The following MRPS6 variants were observed in gnomAD, a reference collection of about 807,000 sequenced individuals.
The protein encoded by MRPS6 is small ribosomal subunit protein bS6m.
MRPS6 carries 6 observed loss-of-function variants against 13.1 expected under a neutral mutation model. The ratio of observed to expected loss-of-function variants is 0.46; its 90% CI spans 0.25 to 0.91. MRPS6 has a LOEUF of 0.91. MRPS6 is among the 40% of genes least tolerant of loss of function. The probability of loss-of-function intolerance (pLI) is 0.18; values close to 1 mark genes in which losing one functional copy is unlikely to be tolerated. For synonymous variants in MRPS6, 61 were observed against 56.5 expected (o/e 1.08, Z -0.36); for missense variants, 164 against 155.6 (o/e 1.05, Z -0.29).
At chr21:34,109,233 T>C (rs2148664187) in intron 1 of MRPS6, among the ~76,000 whole-genome samples, 1 of 152,330 alleles carries the variant, frequency 6.6e-6, no homozygotes, top group East Asian at 1.9e-4. Flanking sequence ...GATAGTTTTT[T>C]TTCTGTGTTA....
intron 2 of MRPS6, among the ~76,000 whole-genome samples, chr21:34,132,249 C>T (rs1220786925): frequency 6.6e-6 from 1 of 152,162 alleles, no homozygotes; most frequent in African/African-American, 2.4e-5. Flanking sequence ...GTCTGCCTGT[C>T]TCGGAGTCAC....
chr21:34,074,580 C>A (rs183043673), intron 1 of MRPS6, among the ~76,000 whole-genome samples: 10 of 152,360 alleles, frequency 6.6e-5, no homozygotes, highest in Admixed American at 2.0e-4. Context: ...CAGCTCACTT[C>A]GTCCTCTGTC....
intron 1 of MRPS6, chr21:34,105,825 A>G (rs1979452330): frequency 1.0e-6 from 1 of 995,882 alleles, no homozygotes; most frequent in Non-Finnish European, 1.2e-6. Context: ...AGAATTTGGT[A>G]TAAAGCAGGT....
chr21:34,140,916 A>G (rs975790855), intron 2 of MRPS6, among the ~76,000 whole-genome samples: 9 of 152,036 alleles, frequency 5.9e-5, no homozygotes, highest in African/African-American at 2.2e-4. Context: ...CTGTCCTTTT[A>G]TTTAATTATA....
intron 1 of MRPS6, among the ~76,000 whole-genome samples, chr21:34,078,834 C>CT (rs1989393777): frequency 6.6e-6 from 1 of 152,156 alleles, no homozygotes; most frequent in Non-Finnish European, 1.5e-5. Flanking sequence ...GATTATCAGA[C>CT]TTTTCCTATT....
At chr21:34,098,319 T>G (rs1036991006) in intron 1 of MRPS6, 1 of 1,000,048 alleles carries the variant, frequency 1.0e-6, no homozygotes, top group East Asian at 1.1e-4. Context: ...TTGGAAGATA[T>G]GTCCAGAAAC....
chr21:34,074,125 G>A (rs1166168573), intron 1 of MRPS6, among the ~76,000 whole-genome samples: 1 of 148,568 alleles, frequency 6.7e-6, no homozygotes, highest in Non-Finnish European at 1.5e-5. Context: ...ACTCCGGCCC[G>A]TCCCCGCCAG....
At chr21:34,075,025 C>T (rs1989292977) in intron 1 of MRPS6, among the ~76,000 whole-genome samples, 3 of 152,338 alleles carry the variant, frequency 2.0e-5, no homozygotes, top group African/African-American at 4.8e-5. Flanking sequence ...TCTGTTCAGC[C>T]TCTTGAATAT....
At chr21:34,101,821 T>C (rs1979250033) in intron 1 of MRPS6, 1 of 998,984 alleles carries the variant, frequency 1.0e-6, no homozygotes, top group Admixed American at 6.2e-5. Context: ...ACACTTTGTG[T>C]TGGCTAATAA....
chr21:34,111,908 G>C (rs952349313), intron 1 of MRPS6, among the ~76,000 whole-genome samples: 3 of 151,292 alleles, frequency 2.0e-5, no homozygotes, highest in Non-Finnish European at 1.5e-5. Flanking sequence ...CATCCATTTG[G>C]TTTTGTATTT....
At chr21:34,139,335 A>G (rs181065850) in intron 2 of MRPS6, among the ~76,000 whole-genome samples, 32 of 151,458 alleles carry the variant, frequency 2.1e-4, no homozygotes, top group African/African-American at 6.6e-4. Flanking sequence ...TTAAAGTATA[A>G]TAAAAAAAAA....
chr21:34,103,866 A>C (rs1418678736), intron 1 of MRPS6: 1 of 1,000,050 alleles, frequency 1.0e-6, no homozygotes, highest in African/African-American at 1.7e-5. Context: ...ATGGGGTTTG[A>C]GGGCTTTTTA....
chr21:34,120,115 G>T (rs1217382066), intron 1 of MRPS6, among the ~76,000 whole-genome samples: 1 of 152,170 alleles, frequency 6.6e-6, no homozygotes, highest in Non-Finnish European at 1.5e-5. Context: ...CTAGCAGTAC[G>T]TGTATTCTTC....
chr21:34,136,799 T>G (rs1294132392), intron 2 of MRPS6, among the ~76,000 whole-genome samples: 3 of 152,196 alleles, frequency 2.0e-5, no homozygotes, highest in Non-Finnish European at 4.4e-5. Flanking sequence ...CTATTATGGA[T>G]TTTGGTTTTG....
rs15044 is a variant in MRPS6, at chr21:34,142,856, T to G, written c.*256T>G. The stretch of plus-strand genomic sequence containing the variant: ...TTTCATTAGTGTCATTTCTTTGTCA[T>G]TGAGGACTTTTCCCCTTACAACAGT... On this transcript the variant is annotated 3_prime_UTR_variant, in exon 3 of 3. Coordinates refer to ENST00000399312, the MANE Select transcript of MRPS6 (RefSeq NM_032476.4). The G allele has an allele frequency of 0.021, 6,748 of 322,430 alleles. 276 individuals carry two copies. The highest frequency in any genetic ancestry group is 0.096 in the African/African-American group (4,491 of 46,822). The allele number at this position is 322,430 out of a possible 1,614,324, so 20.0% of individuals were successfully genotyped here. A position where few individuals can be genotyped will look rare whatever the true frequency, so the allele number is the denominator to read the frequency against.
intron 1 of MRPS6, chr21:34,100,706 G>A (rs892952656): frequency 1.0e-6 from 1 of 1,000,098 alleles, no homozygotes; most frequent in African/African-American, 1.7e-5. Context: ...TTGAGGCTAA[G>A]CAAGGGGTTA....
chr21:34,114,134 G>A (rs1324241268), intron 1 of MRPS6, among the ~76,000 whole-genome samples: 1 of 152,122 alleles, frequency 6.6e-6, no homozygotes, highest in Non-Finnish European at 1.5e-5. Context: ...AGGGGGATGG[G>A]GAGTATAGAA....
chr21:34,132,904 C>T (rs749847086), intron 2 of MRPS6, among the ~76,000 whole-genome samples: 2 of 152,130 alleles, frequency 1.3e-5, no homozygotes, highest in Non-Finnish European at 2.9e-5. Flanking sequence ...GCTGAGTGAC[C>T]TTGGGCTAAT....
chr21:34,133,573 G>A (rs1385087075), intron 2 of MRPS6, among the ~76,000 whole-genome samples: 1 of 152,210 alleles, frequency 6.6e-6, no homozygotes, highest in Non-Finnish European at 1.5e-5. Context: ...TTGAATACTT[G>A]ACTGTAAGGA....
Sources: allele counts gnomAD v4.1 joint callset (sites outside exome capture counted in the v4.1 genomes callset), GRCh38; gene constraint gnomAD v4.1.1; transcripts MANE v1.5; gene names NCBI Gene and HGNC (gene_info 2026-07-23, HGNC 2026-07-21).